Variants in TP73 observed in about 807,000 individuals in gnomAD.
TP73 encodes the protein tumor protein p73, also known as p53-like transcription factor.
Under a neutral mutation model 62.5 loss-of-function variants are expected in TP73, and 25 were observed. That is an observed-to-expected ratio of 0.40 (90% CI 0.29 to 0.56). TP73 has a LOEUF of 0.56. Among genes scored for constraint, TP73 ranks in the 20% least tolerant of loss-of-function variants. The pLI, the probability that TP73 is intolerant of heterozygous loss-of-function variation, is 0.46. For synonymous variants in TP73, 423 were observed against 377.5 expected (o/e 1.12, Z -1.40); for missense variants, 754 against 913.3 (o/e 0.83, Z 2.25).
intron 3 of TP73, among the ~76,000 whole-genome samples, chr1:3,687,102 C>T (rs576912397): frequency 3.9e-4 from 60 of 152,318 alleles, no homozygotes; most frequent in African/African-American, 8.4e-4. Flanking sequence ...TGAGCTGTCC[C>T]GTGCCTTAGG....
chr1:3,705,747 T>C (rs1178999755), intron 3 of TP73, among the ~76,000 whole-genome samples: 1 of 152,212 alleles, frequency 6.6e-6, no homozygotes, highest in African/African-American at 2.4e-5. Flanking sequence ...TGGACTGCAC[T>C]CAGTGGAGGA....
Position 3,729,455 on chromosome 1 carries a change from C to T in TP73, c.1196+7C>T. On this transcript the variant is annotated splice_region_variant and intron_variant, in intron 10 of 13. Transcript: ENST00000378295. ...AGCAGCTCCTACAGAGGCCGTGAGT[C>T]AGCCCTAGCCCACCATCAGTGTGGG... 1 of 1,612,564 alleles carries T rather than the reference C, an allele frequency of 6.2e-7. No individual in the cohort carries two copies. Among genetic ancestry groups the T allele is most frequent in the Middle Eastern group, 1.7e-4 (1 of 6,060 alleles).
chr1:3,712,036 C>A (rs898957472), intron 4 of TP73, among the ~76,000 whole-genome samples: 1 of 152,140 alleles, frequency 6.6e-6, no homozygotes, highest in Non-Finnish European at 1.5e-5. Flanking sequence ...TCTGGAGCAA[C>A]CTTCCCAGCG....
Position 3,730,931 on chromosome 1 carries a change from CG to C in TP73, c.1353del (p.Met452CysfsTer15), listed in dbSNP as rs1557591163. 6.2e-7 allele frequency: 1 copy of C among 1,603,802 alleles called. No individual in the cohort carries two copies. The highest frequency in any genetic ancestry group is 1.7e-5 in the Admixed American group (1 of 59,258). On this transcript the variant is annotated frameshift_variant, in exon 12 of 14. Transcript: ENST00000378295. LOFTEE classifies it high-confidence loss of function. ...CCCCACCTGCCTCTCACCCAGGCCC[CG>C]GGATGCTCAACAACCATGGCCACGC... ...ATPNLGPVGP[G>X]MLNNHGHAVP...
chr1:3,707,833 C>T (rs376078671), intron 4 of TP73, 42 bp downstream of exon 4: 65 of 1,588,932 alleles, frequency 4.1e-5, no homozygotes, highest in African/African-American at 2.1e-4. Context: ...CTGCGGGCTG[C>T]GGGCTGGAGA....
At chr1:3,656,801 G>A (rs1338706296) in intron 1 of TP73, among the ~76,000 whole-genome samples, 4 of 152,212 alleles carry the variant, frequency 2.6e-5, no homozygotes, top group Non-Finnish European at 4.4e-5. Flanking sequence ...GGTGCTGTGA[G>A]CCTGGATGGG....
At chr1:3,684,282 C>T (rs1224287545) in intron 3 of TP73, among the ~76,000 whole-genome samples, 1 of 152,250 alleles carries the variant, frequency 6.6e-6, no homozygotes, top group Non-Finnish European at 1.5e-5. Context: ...CTGCGGAAAA[C>T]CAGCCCGAAC....
chr1:3,707,095 GCA>G (rs1557544288), intron 3 of TP73, among the ~76,000 whole-genome samples: 1 of 152,126 alleles, frequency 6.6e-6, no homozygotes, highest in Non-Finnish European at 1.5e-5. Context: ...CCAGGTGTGC[GCA>G]CCCTGCACTC....
intron 8 of TP73, 63 bp from the exon 9 acceptor site, chr1:3,728,066 C>G: frequency 1.3e-6 from 2 of 1,494,282 alleles, no homozygotes; most frequent in South Asian, 1.2e-5. Flanking sequence ...TCCCTCCTCC[C>G]GGAAGGAGGC....
intron 3 of TP73, among the ~76,000 whole-genome samples, chr1:3,684,643 A>C (rs909521614): frequency 1.3e-5 from 2 of 152,108 alleles, no homozygotes; most frequent in Non-Finnish European, 2.9e-5. Flanking sequence ...GGGCTGGCCC[A>C]GAGCCATGTG....
At chr1:3,726,901 C>CGATGGATGGGTGG (rs149311741) in intron 6 of TP73, among the ~76,000 whole-genome samples, 6,399 of 147,538 alleles carry the variant, frequency 0.043, 279 homozygotes, top group East Asian at 0.24. Flanking sequence ...TAAATGGGTT[C>CGATGGATGGGTGG]GATGGATGGA....
intron 1 of TP73, among the ~76,000 whole-genome samples, chr1:3,678,338 T>G (rs903006531): frequency 2.0e-5 from 3 of 152,192 alleles, no homozygotes; most frequent in Non-Finnish European, 4.4e-5. Flanking sequence ...GGGCACATAC[T>G]CCCCCTGCCC....
intron 4 of TP73, among the ~76,000 whole-genome samples, chr1:3,715,801 T>G (rs1334533557): frequency 6.6e-6 from 1 of 152,084 alleles, no homozygotes; most frequent in African/African-American, 2.4e-5. Flanking sequence ...GCCTTCACTA[T>G]GCACTGGAGA....
chr1:3,701,988 G>C lies in TP73; in HGVS notation c.187-5561G>C, dbSNP rs2124351273. Among the ~76,000 whole-genome samples, 1 of 152,328 alleles carries C rather than the reference G, an allele frequency of 6.6e-6. No individual in the cohort carries two copies. The highest frequency in any genetic ancestry group is 1.5e-5 in the Non-Finnish European group (1 of 68,028). ...CTCCTGCCCCTCTCCTGGATGGGCA[G>C]AGAGGCCTGGTTTCCAGGATGGTGG... On this transcript the variant is annotated intron_variant, in intron 3 of 13. Transcript: ENST00000378295. This position sits in a 1 kb window ranked among gnomAD's most constrained non-coding sequence, Gnocchi z 4.7.
At chr1:3,727,434 A>G in intron 7 of TP73, 194 bp from the exon 8 acceptor site, 1 of 962,328 alleles carries the variant, frequency 1.0e-6, no homozygotes, top group Non-Finnish European at 1.5e-6. Flanking sequence ...GTCCCCGGCG[A>G]GGTCTCAGGG....
intron 4 of TP73, among the ~76,000 whole-genome samples, chr1:3,710,727 A>T (rs187375774): frequency 2.0e-5 from 3 of 152,306 alleles, no homozygotes; most frequent in Non-Finnish European, 2.9e-5. Context: ...ATATGTGTGC[A>T]TACACACGCA....
rs1429139848 is a variant in TP73 at position 3,699,155 on chromosome 1, T to C, written c.187-8394T>C. Among the ~76,000 whole-genome samples the C allele has an allele frequency of 2.0e-5, 3 of 152,100 alleles. No individual in the cohort carries two copies. Among genetic ancestry groups the C allele is most frequent in the Admixed American group, 6.5e-5 (1 of 15,274 alleles). On this transcript the variant is annotated intron_variant, in intron 3 of 13. Coordinates refer to ENST00000378295, the MANE Select transcript of TP73 (RefSeq NM_005427.4). This position sits in a 1 kb window ranked among gnomAD's most constrained non-coding sequence, Gnocchi z 4.1. ...AGAGGGAGGCTTCCCCCCAGCCGCA[T>C]GTCGAATCTTGTTGGCATTTCCATT... is the stretch of plus-strand genomic sequence containing the variant.
chr1:3,675,791 C>T (rs1645351641), intron 1 of TP73, among the ~76,000 whole-genome samples: 2 of 152,068 alleles, frequency 1.3e-5, no homozygotes, highest in Admixed American at 1.3e-4. Context: ...GCCCTGTCTG[C>T]CCCAGGCCTG....
Position 3,727,156 on chromosome 1 carries a change from T to C in TP73, c.774T>C (p.Cys258=), listed in dbSNP as rs1158765488. The change falls in exon 7 of 14, where the codon TGT becomes TGC. Residue 258 remains cysteine (C), a synonymous_variant. Transcript: ENST00000378295. The stretch of plus-strand genomic sequence containing the variant: ...CCACCATCCTGTACAACTTCATGTG[T>C]AACAGCAGCTGTGTAGGGGGCATGA... The part of the protein sequence containing the change: ...EFTTILYNFM[C]NSSCVGGMNR... 2.5e-6 allele frequency: 4 copies of C among 1,612,152 alleles called. No homozygotes were observed. The Admixed American group carries it at 5.0e-5, about 20-fold the overall frequency.
Sources: allele counts gnomAD v4.1 joint callset (sites outside exome capture counted in the v4.1 genomes callset), GRCh38; gene constraint gnomAD v4.1.1; non-coding constraint Gnocchi (gnomAD v3.1); transcripts MANE v1.5; gene names NCBI Gene and HGNC (gene_info 2026-07-23, HGNC 2026-07-21).